Variants in LUM observed in about 807,000 individuals in gnomAD.
LUM encodes the protein KSPG lumican.
In LUM, 13 loss-of-function variants were observed where a neutral mutation model predicts 20.5. The observed-to-expected ratio is 0.63, with a 90% CI of 0.41 to 1.01. The LOEUF (loss-of-function observed/expected upper bound fraction) is 1.01, where lower values mean the gene tolerates loss of function less well. LUM is among the 50% of genes least tolerant of loss of function. LUM has a pLI of 0.00. For synonymous variants in LUM, 173 were observed against 151.5 expected (o/e 1.14, Z -1.04); for missense variants, 321 against 391.1 (o/e 0.82, Z 1.51).
At chr12:91,107,189 G>GAA (rs1880058601) in intron 2 of LUM, among the ~76,000 whole-genome samples, 1 of 66,346 alleles carries the variant, frequency 1.5e-5, no homozygotes, top group African/African-American at 5.8e-5. Flanking sequence ...AAGAAAGAAA[G>GAA]AAGGAAAGAA....
At chr12:91,107,782 C>T (rs1031685850) in intron 2 of LUM, among the ~76,000 whole-genome samples, 8 of 151,992 alleles carry the variant, frequency 5.3e-5, no homozygotes, top group African/African-American at 1.2e-4. Context: ...GTGGCACGAT[C>T]TCGGCTCACT....
chr12:91,107,315 A>C (rs1019521887), intron 2 of LUM, among the ~76,000 whole-genome samples: 2 of 141,136 alleles, frequency 1.4e-5, no homozygotes, highest in Non-Finnish European at 3.0e-5. Context: ...GAAAGAAAGA[A>C]AGAAAGAAAG....
intron 2 of LUM, among the ~76,000 whole-genome samples, chr12:91,104,529 A>G (rs1879988354): frequency 6.6e-6 from 1 of 152,182 alleles, no homozygotes; most frequent in African/African-American, 2.4e-5. Context: ...TAATCATGGT[A>G]GATCAAGATA....
intron 2 of LUM, among the ~76,000 whole-genome samples, chr12:91,107,329 GAA>G (rs1205268580): frequency 1.6e-5 from 2 of 124,704 alleles, no homozygotes; most frequent in African/African-American, 2.9e-5. Flanking sequence ...AAGAAAGAAA[GAA>G]AGAAAGAAAG....
chr12:91,109,834 G>A (rs1880163284), intron 1 of LUM, among the ~76,000 whole-genome samples: 1 of 152,164 alleles, frequency 6.6e-6, no homozygotes, highest in African/African-American at 2.4e-5. Context: ...TTACTCACAA[G>A]TTCTCTACTT....
chr12:91,110,561 T>C (rs539443444), intron 1 of LUM, among the ~76,000 whole-genome samples: 1 of 152,206 alleles, frequency 6.6e-6, no homozygotes, highest in Non-Finnish European at 1.5e-5. Flanking sequence ...TTTTAAGTTA[T>C]AGAATGTAAA....
At chr12:91,107,717 A>G (rs552925787) in intron 2 of LUM, among the ~76,000 whole-genome samples, 4 of 149,170 alleles carry the variant, frequency 2.7e-5, no homozygotes, top group South Asian at 4.3e-4. Context: ...TATTTTGTGG[A>G]CATTTTTTTT....
intron 1 of LUM, 38 bp downstream of exon 1, chr12:91,111,360 G>C (rs1446709270): frequency 6.6e-6 from 1 of 152,178 alleles, no homozygotes; most frequent in African/African-American, 2.4e-5. Flanking sequence ...GTCCCAAACA[G>C]TTAACATCCC....
In LUM at chr12:91,108,017, T is replaced by G; in HGVS notation, c.862+101A>C. ...AATGAGCCACAGCGCCCGGGCGACA[T>G]TTTGTTTTTTTAATGGAGCCAGATG... On this transcript the variant is annotated intron_variant, in intron 2 of 2. Transcript: ENST00000266718. The surrounding 1 kb of genome is among the most constrained non-coding windows in gnomAD (Gnocchi z 4.2). The G allele has an allele frequency of 1.4e-5, 19 of 1,351,748 alleles. No homozygotes were observed. Among genetic ancestry groups the G allele is most frequent in the South Asian group, 2.4e-5 (2 of 84,692 alleles). The allele number at this position is 1,351,748 out of a possible 1,614,324, so 83.7% of individuals were successfully genotyped here. A position where few individuals can be genotyped will look rare whatever the true frequency, so the allele number is the denominator to read the frequency against.
At position 91,108,824 on chromosome 12, in the gene LUM, G is replaced by A; in HGVS notation, c.156C>T (p.Tyr52=). Residue 52 remains tyrosine, a synonymous_variant, in exon 2 of 3, where the codon TAC becomes TAT. Coordinates refer to ENST00000266718, the MANE Select transcript of LUM (RefSeq NM_002345.4). The surrounding 1 kb of genome is among the most constrained non-coding windows in gnomAD (Gnocchi z 4.2). The stretch of plus-strand genomic sequence containing the variant: ...CACTTTTCAATTTCAGCTCATCACA[G>A]TACATGGCACTTGGGTAGCTTTCAG... ...NCPESYPSAM[Y]CDELKLKSVP... is the part of the protein sequence containing the mutation. 6.2e-7 allele frequency: 1 copy of A among 1,614,038 alleles called. No homozygotes were observed. Among genetic ancestry groups the A allele is most frequent in the South Asian group, 1.1e-5 (1 of 91,074 alleles).
At chr12:91,105,833 CCTT>C (rs1005616879) in intron 2 of LUM, among the ~76,000 whole-genome samples, 3 of 152,198 alleles carry the variant, frequency 2.0e-5, no homozygotes, top group East Asian at 1.9e-4. Flanking sequence ...ACTTCTGTAT[CCTT>C]CTTTGTTTCA....
chr12:91,105,258 G>C (rs10745553), intron 2 of LUM, among the ~76,000 whole-genome samples: 128,595 of 152,060 alleles, frequency 0.85, 54,443 homozygotes, highest in African/African-American at 0.86. Flanking sequence ...ACTTACCCAG[G>C]TGGGCAACAC....
intron 2 of LUM, among the ~76,000 whole-genome samples, chr12:91,106,726 C>T (rs1054267079): frequency 1.4e-5 from 2 of 138,088 alleles, no homozygotes; most frequent in African/African-American, 2.8e-5. Context: ...TTAGAATCTC[C>T]CATCATATTT....
chr12:91,106,690 T>TAAA (rs374164456), intron 2 of LUM, among the ~76,000 whole-genome samples: 65,673 of 90,360 alleles, frequency 0.73, 25,261 homozygotes, highest in Non-Finnish European at 0.83. Context: ...ATTTTTCTTC[T>TAAA]AAAAAAAAAA....
At chr12:91,111,067 A>G (rs1472748124) in intron 1 of LUM, among the ~76,000 whole-genome samples, 1 of 152,202 alleles carries the variant, frequency 6.6e-6, no homozygotes, top group African/African-American at 2.4e-5. Context: ...ATTAGGGTCC[A>G]ATACTAACAT....
rs1879963530 is a variant in LUM, at chr12:91,103,748, C to T, written c.*417G>A. 6.4e-6 allele frequency: 1 copy of T among 155,934 alleles called. No homozygotes were observed. The highest frequency in any genetic ancestry group is 6.4e-5 in the Admixed American group (1 of 15,618). 9.7% of individuals were successfully genotyped at this position (155,934 alleles called of 1,614,324 possible). On this transcript the variant is annotated 3_prime_UTR_variant, in exon 3 of 3. Coordinates refer to ENST00000266718, the MANE Select transcript of LUM (RefSeq NM_002345.4). ...GCAATATTCTTGGCCTCAATATCTA[C>T]CACCTATTTTTTAACCAGACAAATT... is the stretch of plus-strand genomic sequence containing the variant.
Position 91,108,359 on chromosome 12 carries a change from A to T in LUM, c.621T>A (p.Leu207=). ...ARLPSGLPVS[L]LTLYLDNNKI... ...TATTGTTGTCTAAGTAGAGAGTTAGAAGAGAGACAGGGAGACCAGAAGGCA... is the reference window on the plus strand; with the variant it reads ...TATTGTTGTCTAAGTAGAGAGTTAGTAGAGAGACAGGGAGACCAGAAGGCA... The change falls in exon 2 of 3, where the codon CTT becomes CTA. Residue 207 remains leucine (L), a synonymous_variant. Coordinates refer to ENST00000266718, the MANE Select transcript of LUM (RefSeq NM_002345.4). The surrounding 1 kb of genome is among the most constrained non-coding windows in gnomAD (Gnocchi z 4.2). 1 of 1,614,178 alleles carries T rather than the reference A, an allele frequency of 6.2e-7. No homozygotes were observed. Among genetic ancestry groups the T allele is most frequent in the Non-Finnish European group, 8.5e-7 (1 of 1,180,018 alleles).
chr12:91,109,057 C>A lies in LUM; in HGVS notation c.-21-57G>T. The stretch of plus-strand genomic sequence containing the variant: ...AAAATATATACTTTCAAGAAAAAGA[C>A]ATTCAATTTGCAACATTAAATTCAT... On this transcript the variant is annotated intron_variant, in intron 1 of 2. Coordinates refer to ENST00000266718, the MANE Select transcript of LUM (RefSeq NM_002345.4). 3 of 1,224,050 alleles carry A rather than the reference C, an allele frequency of 2.5e-6. No individual in the cohort carries two copies. The South Asian group carries it at 4.2e-5, about 17-fold the overall frequency. The allele number at this position is 1,224,050 out of a possible 1,614,324, so 75.8% of individuals were successfully genotyped here. A position where few individuals can be genotyped will look rare whatever the true frequency, so the allele number is the denominator to read the frequency against.
At chr12:91,107,263 GAAAGAAAGAAAGAAAGAAAGAAAGAGAA>G (rs1185882310) in intron 2 of LUM, among the ~76,000 whole-genome samples, 4 of 84,766 alleles carry the variant, frequency 4.7e-5, no homozygotes, top group Non-Finnish European at 6.9e-5. Flanking sequence ...AAGAAAGAAA[GAAAGAAAGAAAGAAAGAAAGAAAGAGAA>G]AGAAAGAAAG....
Sources: allele counts gnomAD v4.1 joint callset (sites outside exome capture counted in the v4.1 genomes callset), GRCh38; gene constraint gnomAD v4.1.1; non-coding constraint Gnocchi (gnomAD v3.1); transcripts MANE v1.5; gene names NCBI Gene and HGNC (gene_info 2026-07-23, HGNC 2026-07-21).